Variants in SOS1 observed in about 807,000 individuals in gnomAD.
The protein encoded by SOS1 is SOS Ras/Rac guanine nucleotide exchange factor 1, also known as son of sevenless homolog 1.
A neutral mutation model predicts 157.6 loss-of-function variants in SOS1; 25 were observed. The ratio of observed to expected loss-of-function variants is 0.16; its 90% CI spans 0.12 to 0.22. SOS1 has a LOEUF of 0.22. Among genes scored for constraint, SOS1 ranks in the 10% least tolerant of loss-of-function variants. The probability of loss-of-function intolerance (pLI) is 1.00; values close to 1 mark genes in which losing one functional copy is unlikely to be tolerated. For synonymous variants in SOS1, 528 were observed against 534.0 expected (o/e 0.99, Z 0.16); for missense variants, 1,237 against 1,599.1 (o/e 0.77, Z 3.86).
At chr2:39,107,253 G>A (rs1673229449) in intron 1 of SOS1, among the ~76,000 whole-genome samples, 2 of 152,120 alleles carry the variant, frequency 1.3e-5, no homozygotes, top group Non-Finnish European at 2.9e-5. Flanking sequence ...TAGACTGAGT[G>A]CTGCAGCAGC....
At chr2:39,080,705 G>A (rs368202222) in intron 1 of SOS1, among the ~76,000 whole-genome samples, 10 of 151,552 alleles carry the variant, frequency 6.6e-5, no homozygotes, top group East Asian at 3.9e-4. Context: ...CTATAAACGC[G>A]GTCCTGGTAT....
At chr2:39,064,938 A>T (rs1246259369) in intron 2 of SOS1, among the ~76,000 whole-genome samples, 2 of 146,720 alleles carry the variant, frequency 1.4e-5, no homozygotes, top group Non-Finnish European at 1.5e-5. Context: ...TTTTTTTTTT[A>T]GTAGAGATGG....
intron 1 of SOS1, among the ~76,000 whole-genome samples, chr2:39,072,077 C>A (rs1431991465): frequency 6.6e-6 from 1 of 152,130 alleles, no homozygotes. Context: ...AAATACTAGA[C>A]CCTCTGTTAG....
intron 6 of SOS1, among the ~76,000 whole-genome samples, 163 bp from the exon 7 acceptor site, chr2:39,035,663 A>G (rs920239954): frequency 1.3e-5 from 2 of 152,208 alleles, no homozygotes; most frequent in Non-Finnish European, 2.9e-5. Flanking sequence ...AGAGATCCCA[A>G]TATTCTCAAG....
intron 15 of SOS1, among the ~76,000 whole-genome samples, chr2:39,009,201 G>A (rs952305631): frequency 7.2e-5 from 11 of 151,770 alleles, no homozygotes; most frequent in African/African-American, 2.7e-4. Flanking sequence ...GAATTAAAAA[G>A]TACAATAACT....
At chr2:38,997,964 A>C (rs905840699) in intron 17 of SOS1, among the ~76,000 whole-genome samples, 1 of 152,194 alleles carries the variant, frequency 6.6e-6, no homozygotes, top group African/African-American at 2.4e-5. Context: ...ATGATTTGCA[A>C]TTGAGAAGTA....
intron 1 of SOS1, among the ~76,000 whole-genome samples, chr2:39,107,037 A>G (rs1209299970): frequency 1.3e-5 from 2 of 152,230 alleles, no homozygotes; most frequent in African/African-American, 4.8e-5. Context: ...ATTAATTTCA[A>G]TGAAAATTAA....
intron 4 of SOS1, among the ~76,000 whole-genome samples, chr2:39,056,459 C>G (rs1259385328): frequency 6.6e-6 from 1 of 152,054 alleles, no homozygotes; most frequent in Non-Finnish European, 1.5e-5. Context: ...TAAGAGATTA[C>G]TCTAATTAAC....
rs1007187906 is a variant in SOS1, at chr2:38,982,422, G to A, written c.*3402C>T. 1 of 152,130 alleles carries A rather than the reference G, an allele frequency of 6.6e-6. No homozygotes were observed. The highest frequency in any genetic ancestry group is 1.5e-5 in the Non-Finnish European group (1 of 68,010). 9.4% of individuals were successfully genotyped at this position (152,130 alleles called of 1,614,324 possible). A position where few individuals can be genotyped will look rare whatever the true frequency, so the allele number is the denominator to read the frequency against. ...GAAAAATATTGAATAAAGTCATCATGTTCCCTTATAAATAACTTTACTGCA... is the reference window on the plus strand; with the variant it reads ...GAAAAATATTGAATAAAGTCATCATATTCCCTTATAAATAACTTTACTGCA... On this transcript the variant is annotated 3_prime_UTR_variant, in exon 23 of 23. Transcript: ENST00000402219.
chr2:39,097,878 A>G (rs1340261958), intron 1 of SOS1, among the ~76,000 whole-genome samples: 2 of 152,200 alleles, frequency 1.3e-5, no homozygotes, highest in Non-Finnish European at 2.9e-5. Flanking sequence ...TTAATTCTTA[A>G]CCCTTGATTA....
At chr2:39,001,455 C>G (rs1016118207) in intron 17 of SOS1, among the ~76,000 whole-genome samples, 1 of 152,184 alleles carries the variant, frequency 6.6e-6, no homozygotes, top group East Asian at 1.9e-4. Flanking sequence ...CCTGAAACAT[C>G]TGGCAGAGCT....
chr2:39,108,457 A>C (rs557126081), intron 1 of SOS1, among the ~76,000 whole-genome samples: 1 of 152,320 alleles, frequency 6.6e-6, no homozygotes, highest in African/African-American at 2.4e-5. Flanking sequence ...AACTCCAAAA[A>C]TGCTGAGTTC....
At chr2:39,065,335 G>A (rs550045263) in intron 2 of SOS1, among the ~76,000 whole-genome samples, 1 of 152,184 alleles carries the variant, frequency 6.6e-6, no homozygotes, top group South Asian at 2.1e-4. Flanking sequence ...GTATTAAGAG[G>A]TGTTAACATC....
chr2:39,013,677 G>C (rs1313102251), intron 12 of SOS1, 114 bp from the exon 13 acceptor site: 6 of 928,674 alleles, frequency 6.5e-6, no homozygotes, highest in Non-Finnish European at 1.1e-5. Flanking sequence ...AATCTTATCA[G>C]TGTGCTTAAC....
At chr2:39,017,538 T>A (rs1297190944) in intron 10 of SOS1, among the ~76,000 whole-genome samples, 1 of 151,994 alleles carries the variant, frequency 6.6e-6, no homozygotes, top group East Asian at 1.9e-4. Context: ...TCATGACTGT[T>A]GTATTAGGTT....
intron 6 of SOS1, among the ~76,000 whole-genome samples, chr2:39,043,842 A>G (rs115794395): frequency 8.1e-4 from 124 of 152,318 alleles, no homozygotes; most frequent in African/African-American, 2.5e-3. Flanking sequence ...ATCAATATAT[A>G]CAGATTAAAC....
intron 7 of SOS1, 34 bp downstream of exon 7, chr2:39,035,356 G>A: frequency 6.3e-7 from 1 of 1,599,680 alleles, no homozygotes; most frequent in African/African-American, 1.3e-5. Context: ...TTACTTTTCA[G>A]ACATTGTACA....
rs1246892881 is a variant in SOS1, at chr2:39,007,181, T to A, written c.2523A>T (p.Glu841Asp). The A allele has an allele frequency of 6.3e-7, 1 of 1,592,898 alleles. No homozygotes were observed. Among genetic ancestry groups the A allele is most frequent in the Non-Finnish European group, 8.6e-7 (1 of 1,160,868 alleles). The change falls in exon 16 of 23, where the codon GAA (glutamate) becomes GAT (aspartate). Residue 841 changes from glutamate to aspartate, a missense_variant. Coordinates refer to ENST00000402219, the MANE Select transcript of SOS1 (RefSeq NM_005633.4). ...CTACTCTTTCTTCTAAATTTTCAGT[T>A]TCTACAATACATCTGGGAATAAAAA... ...LTLWFEKCIV[E>D]TENLEERVAV...
At chr2:39,025,364 T>A (rs1032623465) in intron 8 of SOS1, among the ~76,000 whole-genome samples, 16 of 152,140 alleles carry the variant, frequency 1.1e-4, no homozygotes, top group African/African-American at 3.9e-4. Flanking sequence ...TTCTTTTTTT[T>A]TTTTAGATGG....
Sources: gnomAD v4.1 joint callset for allele counts (sites outside exome capture counted in the v4.1 genomes callset) on GRCh38, gnomAD v4.1.1 for gene constraint, MANE v1.5 for transcripts, NCBI Gene and HGNC (gene_info 2026-07-23, HGNC 2026-07-21) for gene names.